The following UBA6 variants were observed in gnomAD, a reference collection of about 807,000 sequenced individuals.
UBA6 encodes the protein ubiquitin-like modifier-activating enzyme 6.
Under a neutral mutation model 148.3 loss-of-function variants are expected in UBA6, and 87 were observed. The ratio of observed to expected loss-of-function variants is 0.59; its 90% CI spans 0.49 to 0.70. UBA6 has a LOEUF of 0.70. Ranked by LOEUF, UBA6 falls within the 30% of genes least tolerant of loss-of-function variation. The pLI is 0.00. For missense variants in UBA6, 1,186 were observed against 1,241.2 expected (o/e 0.96, Z 0.67); for synonymous variants, 376 against 401.0 (o/e 0.94, Z 0.75).
At position 67,695,400 on chromosome 4, in the gene UBA6, A is replaced by C. The variant is rs142439938; in HGVS notation, c.134+1245T>G. Reference sequence around the variant, plus strand: ...GAAATAGTTGACTTCTTATCACTTAAGCCTCTATTAAAATATTGTATTACA... The same window carrying C: ...GAAATAGTTGACTTCTTATCACTTACGCCTCTATTAAAATATTGTATTACA... On this transcript the variant is annotated intron_variant, in intron 2 of 32. Transcript: ENST00000322244. 3.7e-3 allele frequency among the ~76,000 whole-genome samples: 568 copies of C among 152,298 alleles called. 4 individuals carry two copies. The highest frequency in any genetic ancestry group is 0.013 in the African/African-American group (547 of 41,562).
At chr4:67,682,874 C>T (rs912949406) in intron 2 of UBA6, among the ~76,000 whole-genome samples, 2 of 151,884 alleles carry the variant, frequency 1.3e-5, no homozygotes, top group African/African-American at 4.8e-5. Flanking sequence ...AAGATTAGTT[C>T]GATATAAATA....
rs578016619 is a variant in UBA6 at position 67,631,361 on chromosome 4, T to C, written c.2258+347A>G. Among the ~76,000 whole-genome samples, 3 of 152,328 alleles carry C rather than the reference T, an allele frequency of 2.0e-5. No homozygotes were observed. The East Asian group carries it at 5.8e-4, about 29-fold the overall frequency. ...GAGTTATTCAGTAGTAATTATTTGT[T>C]CCTCCATATAACTGAAGATTCTTAT... On this transcript the variant is annotated intron_variant, in intron 25 of 32. Coordinates refer to ENST00000322244, the MANE Select transcript of UBA6 (RefSeq NM_018227.6).
intron 13 of UBA6, among the ~76,000 whole-genome samples, chr4:67,658,116 T>C (rs1729748113): frequency 1.3e-5 from 2 of 152,106 alleles, no homozygotes; most frequent in South Asian, 4.1e-4. Flanking sequence ...GTTAAACCAT[T>C]GTGGAAGATA....
chr4:67,649,321 C>T, intron 13 of UBA6, 110 bp from the exon 14 acceptor site: 2 of 1,058,810 alleles, frequency 1.9e-6, no homozygotes, highest in Admixed American at 2.9e-5. Context: ...AAAAGCTATT[C>T]AGTTCCCCTA....
chr4:67,625,261 A>C, intron 28 of UBA6, 74 bp from the exon 29 acceptor site: 2 of 1,118,236 alleles, frequency 1.8e-6, no homozygotes, highest in Non-Finnish European at 2.5e-6. Flanking sequence ...AGCAATGTGA[A>C]TTTACTAACT....
chr4:67,619,825 A>C (rs1279570327), intron 32 of UBA6, among the ~76,000 whole-genome samples: 1 of 152,196 alleles, frequency 6.6e-6, no homozygotes, highest in African/African-American at 2.4e-5. Context: ...TCTTTGCTAT[A>C]GCCACTACTG....
intron 9 of UBA6, among the ~76,000 whole-genome samples, chr4:67,666,837 T>C (rs1039072421): frequency 1.3e-5 from 2 of 152,082 alleles, no homozygotes; most frequent in Non-Finnish European, 2.9e-5. Flanking sequence ...ATCATGTCGC[T>C]GCACTTCAGC....
intron 26 of UBA6, 108 bp downstream of exon 26, chr4:67,630,358 A>C: frequency 1.3e-6 from 1 of 787,802 alleles, no homozygotes; most frequent in Non-Finnish European, 2.0e-6. Flanking sequence ...CTGTATCAAA[A>C]AGAGTGATTC....
intron 13 of UBA6, among the ~76,000 whole-genome samples, chr4:67,653,400 A>T (rs1320437139): frequency 1.3e-5 from 2 of 152,028 alleles, no homozygotes; most frequent in South Asian, 4.1e-4. Flanking sequence ...CAGGGTCTGG[A>T]GTGGACCTCC....
At chr4:67,644,042 T>C (rs1729365616) in intron 17 of UBA6, among the ~76,000 whole-genome samples, 1 of 152,112 alleles carries the variant, frequency 6.6e-6, no homozygotes, top group Admixed American at 6.5e-5. Flanking sequence ...TTTAATAAAC[T>C]TTTATAAAAG....
rs185323921 is a variant in UBA6 at position 67,693,996 on chromosome 4, T to C, written c.134+2649A>G. 7.9e-5 allele frequency among the ~76,000 whole-genome samples: 12 copies of C among 151,770 alleles called. No homozygotes were observed. In the East Asian group the frequency reaches 2.3e-3, roughly 30 times the overall value. On this transcript the variant is annotated intron_variant, in intron 2 of 32. Transcript: ENST00000322244. ...TTGGGAAGCCAAGGTGGGCAGATCA[T>C]GAGGTCAAGAGACTGAGATCATCCT...
chr4:67,667,824 T>C (rs752601344), intron 9 of UBA6, among the ~76,000 whole-genome samples: 3 of 152,220 alleles, frequency 2.0e-5, no homozygotes, highest in Non-Finnish European at 4.4e-5. Context: ...CATTTCCTTT[T>C]GGCAATGACT....
rs1476511340 is a variant in UBA6, at chr4:67,633,447, T to C, written c.2040A>G (p.Glu680=). 1 of 1,608,068 alleles carries C rather than the reference T, an allele frequency of 6.2e-7. No homozygotes were observed. Among genetic ancestry groups the C allele is most frequent in the Non-Finnish European group, 8.5e-7 (1 of 1,178,640 alleles). ...GTAACTTTATAACTTGAAAACAGCC[T>C]TCTAAACTGTGTCCACTCTGTATCT... ...LQKIQSGHSL[E]GCFQVIKLLS... is the part of the protein sequence containing the mutation. Residue 680 remains glutamate (E), a synonymous_variant, in exon 23 of 33, where the codon GAA becomes GAG. Transcript: ENST00000322244.
At chr4:67,626,614 A>G in intron 27 of UBA6, 137 bp from the exon 28 acceptor site, 1 of 605,602 alleles carries the variant, frequency 1.7e-6, no homozygotes. Flanking sequence ...TCATTGGTCC[A>G]ATGTATTTTA....
In UBA6 at chr4:67,674,872, G is replaced by GT. The variant is rs568561710; in HGVS notation, c.466-1096dup. On this transcript the variant is annotated intron_variant, in intron 6 of 32. Transcript: ENST00000322244. Reference sequence around the variant, plus strand: ...ATATTTTCTCTTATTTCTGTTTTGGGTTTTTTTTTTGAGACACAGTCTCAC... The same window carrying GT: ...ATATTTTCTCTTATTTCTGTTTTGGGTTTTTTTTTTTGAGACACAGTCTCAC... Among the ~76,000 whole-genome samples the GT allele has an allele frequency of 3.4e-3, 498 of 147,916 alleles. 3 individuals are homozygous for GT. The highest frequency in any genetic ancestry group is 0.011 in the African/African-American group (436 of 40,512).
intron 30 of UBA6, 24 bp from the exon 31 acceptor site, chr4:67,623,246 C>A: frequency 5.1e-6 from 8 of 1,569,036 alleles, no homozygotes; most frequent in Non-Finnish European, 7.0e-6. Flanking sequence ...ATATTCAGAA[C>A]AGAAACATTG....
intron 4 of UBA6, among the ~76,000 whole-genome samples, chr4:67,680,471 C>A (rs746623604): frequency 2.6e-5 from 4 of 151,930 alleles, no homozygotes; most frequent in Non-Finnish European, 5.9e-5. Context: ...AAATAAATTG[C>A]AAGAAAAAAC....
In UBA6 at chr4:67,616,707, T is replaced by C. The variant is rs1231808638; in HGVS notation, c.*2290A>G. 1.3e-5 allele frequency: 2 copies of C among 152,062 alleles called. No individual in the cohort carries two copies. The highest frequency in any genetic ancestry group is 2.4e-5 in the African/African-American group (1 of 41,422). The allele number at this position is 152,062 out of a possible 1,614,324, so 9.4% of individuals were successfully genotyped here. On this transcript the variant is annotated 3_prime_UTR_variant, in exon 33 of 33. Transcript: ENST00000322244. Reference sequence around the variant, plus strand: ...CTGCTGTATCTCCATGATTGCAAACTTGAAAATCAGGAAACACCAAAGCAA... The same window carrying C: ...CTGCTGTATCTCCATGATTGCAAACCTGAAAATCAGGAAACACCAAAGCAA...
At chr4:67,683,068 C>T (rs1730479127) in intron 2 of UBA6, among the ~76,000 whole-genome samples, 1 of 152,124 alleles carries the variant, frequency 6.6e-6, no homozygotes, top group South Asian at 2.1e-4. Flanking sequence ...CACAAGCTAT[C>T]TTTATTTCCT....
Sources: gnomAD v4.1 joint callset for allele counts (sites outside exome capture counted in the v4.1 genomes callset) on GRCh38, gnomAD v4.1.1 for gene constraint, MANE v1.5 for transcripts, NCBI Gene and HGNC (gene_info 2026-07-23, HGNC 2026-07-21) for gene names.